ANAPC15: variants seen among roughly 807,000 people sequenced by gnomAD.
The protein encoded by ANAPC15 is anaphase-promoting complex subunit 15.
Under a neutral mutation model 19.8 loss-of-function variants are expected in ANAPC15, and 13 were observed. The ratio of observed to expected loss-of-function variants is 0.66; its 90% CI spans 0.43 to 1.04. The LOEUF (loss-of-function observed/expected upper bound fraction) is 1.04. Ranked by LOEUF, ANAPC15 falls within the 50% of genes least tolerant of loss-of-function variation. The pLI is 0.00. For synonymous variants in ANAPC15, 45 were observed against 50.7 expected, an observed-to-expected ratio of 0.89 and a Z score of 0.47; for missense variants, 88 against 150.3, an observed-to-expected ratio of 0.59 and a Z score of 2.17.
rs1228781913 is a variant in ANAPC15 at position 72,109,684 on chromosome 11, C to T, written c.*197G>A. On this transcript the variant is annotated 3_prime_UTR_variant, in exon 6 of 6. Transcript: ENST00000227618. ...CAGGAAGGTGGAGTAGGTTTCAGGC[C>T]CTGGGGATTTCAAGTGCAGACTGAT... 4.6e-6 allele frequency: 3 copies of T among 649,800 alleles called. No homozygotes were observed. Among genetic ancestry groups the T allele is most frequent in the Non-Finnish European group, 8.1e-6 (3 of 370,282 alleles). The allele number at this position is 649,800 out of a possible 1,614,324, so 40.3% of individuals were successfully genotyped here.
At chr11:72,110,033 T>G in intron 5 of ANAPC15, 55 bp downstream of exon 5, 1 of 1,614,050 alleles carries the variant, frequency 6.2e-7, no homozygotes, top group Non-Finnish European at 8.5e-7. Flanking sequence ...GGCCATCAAC[T>G]GGGTCAGGAG....
downstream of ANAPC15, chr11:72,107,857 A>G (rs1260396640): frequency 2.0e-6 from 3 of 1,526,260 alleles, no homozygotes; most frequent in Non-Finnish European, 2.7e-6. Flanking sequence ...GGCATTTGAG[A>G]TATCTTTTAT....
chr11:72,110,136 G>A lies in ANAPC15; in HGVS notation c.270C>T (p.Asp90=), dbSNP rs578260292. Residue 90 remains aspartate, a synonymous_variant, in exon 5 of 6, where the codon GAC becomes GAT. Coordinates refer to ENST00000227618, the MANE Select transcript of ANAPC15 (RefSeq NM_014042.3). ...GTGACTCATTGTAGTCATTCATCTC[G>A]TCCATGTCCTGCATATCCTCATCAT... is the stretch of plus-strand genomic sequence containing the variant. ...SEDDEDMQDM[D]EMNDYNESPD... 1.5e-5 allele frequency: 25 copies of A among 1,614,044 alleles called. No individual in the cohort carries two copies. The African/African-American group carries it at 2.0e-4, about 13-fold the overall frequency.
downstream of ANAPC15, chr11:72,108,964 C>G (rs1199181901): frequency 1.4e-6 from 2 of 1,429,340 alleles, no homozygotes; most frequent in South Asian, 2.8e-5. Flanking sequence ...CCCACCCCCA[C>G]CCCCACCCAA....
At chr11:72,110,464 G>C in intron 4 of ANAPC15, 80 bp downstream of exon 4, 1 of 1,592,178 alleles carries the variant, frequency 6.3e-7, no homozygotes, top group South Asian at 1.1e-5. Flanking sequence ...CTCTGGGTCA[G>C]AGACAGGACA....
intron 4 of ANAPC15, 150 bp from the exon 5 acceptor site, chr11:72,110,375 G>A: frequency 6.5e-7 from 1 of 1,536,688 alleles, no homozygotes; most frequent in Non-Finnish European, 8.8e-7. Context: ...ATGTTCTGCA[G>A]GACCTTAATG....
rs1270530020 is a variant in ANAPC15 at position 72,111,170 on chromosome 11, T to C, written c.107A>G (p.Gln36Arg). 4 of 1,603,452 alleles carry C rather than the reference T, an allele frequency of 2.5e-6. No homozygotes were observed. The South Asian group carries it at 4.4e-5, about 18-fold the overall frequency. The change falls in exon 3 of 6, where the codon CAG (glutamine) becomes CGG (arginine). Residue 36 changes from glutamine (Q) to arginine (R), a missense_variant. Gln to Arg is a conservative substitution (Grantham distance 43, BLOSUM62 1). Transcript: ENST00000227618. ...EETELQQQEQ[Q>R]HQAWLQSIAE... ...CTGCTCACTCACCCAGGCCTGATGC[T>C]GCTGTTCCTGCTGCTGCAGCTCTGT...
chr11:72,112,640 C>G lies in ANAPC15; in HGVS notation c.-96+10G>C, dbSNP rs768839856. On this transcript the variant is annotated intron_variant, in intron 1 of 5. Coordinates refer to ENST00000227618, the MANE Select transcript of ANAPC15 (RefSeq NM_014042.3). Reference sequence around the variant, plus strand: ...CAAGGAGACGGTTGCAGCCTTGCGTCTGTACTTACCGCGCCGGGAGGCTGC... The same window carrying G: ...CAAGGAGACGGTTGCAGCCTTGCGTGTGTACTTACCGCGCCGGGAGGCTGC... The G allele has an allele frequency of 2.0e-5, 9 of 456,482 alleles. No homozygotes were observed. Among genetic ancestry groups the G allele is most frequent in the Non-Finnish European group, 4.0e-5 (9 of 226,938 alleles). 28.3% of individuals were successfully genotyped at this position (456,482 alleles called of 1,614,324 possible). A position where few individuals can be genotyped will look rare whatever the true frequency, so the allele number is the denominator to read the frequency against.
downstream of ANAPC15, chr11:72,108,639 TC>T: frequency 6.7e-7 from 1 of 1,500,398 alleles, no homozygotes; most frequent in Non-Finnish European, 8.9e-7. Flanking sequence ...GAGGACGTGA[TC>T]CCGTGCCTAC....
In ANAPC15 at chr11:72,109,830, G is replaced by C; in HGVS notation, c.*51C>G. 6.2e-7 allele frequency: 1 copy of C among 1,607,868 alleles called. No individual in the cohort carries two copies. Among genetic ancestry groups the C allele is most frequent in the East Asian group, 2.2e-5 (1 of 44,848 alleles). ...GCAGGGGTTGGGGGTTGGGATGCAGGGTAGTTTGGGCTGGCCTGGAATCTC... is the reference window on the plus strand; with the variant it reads ...GCAGGGGTTGGGGGTTGGGATGCAGCGTAGTTTGGGCTGGCCTGGAATCTC... On this transcript the variant is annotated 3_prime_UTR_variant, in exon 6 of 6. Transcript: ENST00000227618.
At chr11:72,111,318 CTTTGTT>C (rs2135290851) in intron 2 of ANAPC15, 32 bp from the exon 3 acceptor site, 9 of 1,532,176 alleles carry the variant, frequency 5.9e-6, no homozygotes, top group African/African-American at 1.4e-5. Context: ...ATGTGTTTTG[CTTTGTT>C]TTTGTTTTTA....
At chr11:72,110,313 A>G (rs1946394834) in intron 4 of ANAPC15, 88 bp from the exon 5 acceptor site, 9 of 1,596,446 alleles carry the variant, frequency 5.6e-6, no homozygotes, top group South Asian at 2.2e-5. Context: ...TCTAGGGCCA[A>G]TGAATGACCC....
At chr11:72,107,779 G>C, downstream of ANAPC15, 1 of 811,592 alleles carries the variant, frequency 1.2e-6, no homozygotes. Context: ...GACCAGGAGG[G>C]CAGCTGGGGC....
chr11:72,107,908 C>A, downstream of ANAPC15: 1 of 1,551,582 alleles, frequency 6.4e-7, no homozygotes, highest in Non-Finnish European at 8.7e-7. Context: ...CTGCAACAGC[C>A]ATCTCCCCTC....
At chr11:72,108,778 C>G (rs876657863), downstream of ANAPC15, 64 of 1,550,348 alleles carry the variant, frequency 4.1e-5, no homozygotes, top group Middle Eastern at 1.7e-4. Flanking sequence ...TGCTGGCTGA[C>G]CATGTGCTCT....
chr11:72,107,504 C>T (rs746919927), downstream of ANAPC15: 23 of 702,852 alleles, frequency 3.3e-5, no homozygotes, highest in Non-Finnish European at 1.8e-5. Context: ...GCCACATATA[C>T]ACATGTGGCA....
chr11:72,110,703 TG>T (rs1406982938), intron 3 of ANAPC15, 100 bp from the exon 4 acceptor site: 1 of 1,302,128 alleles, frequency 7.7e-7, no homozygotes, highest in Non-Finnish European at 1.1e-6. Context: ...CCACACGTGT[TG>T]GGGAGAAGCT....
chr11:72,108,491 C>A, downstream of ANAPC15: 2 of 860,886 alleles, frequency 2.3e-6, no homozygotes, highest in Non-Finnish European at 3.4e-6. Flanking sequence ...AATGTGAGAA[C>A]ACTCATGGGA....
At chr11:72,112,168 C>T (rs1294384786) in intron 1 of ANAPC15, 1 of 154,414 alleles carries the variant, frequency 6.5e-6, no homozygotes, top group East Asian at 1.9e-4. Flanking sequence ...CTGCCCTTCC[C>T]TGTATCTCAG....
Sources: gnomAD v4.1 joint callset for allele counts on GRCh38, gnomAD v4.1.1 for gene constraint, MANE v1.5 for transcripts, NCBI Gene and HGNC (gene_info 2026-07-23, HGNC 2026-07-21) for gene names.